TIGIT: variants seen among roughly 807,000 people sequenced by gnomAD.
The protein encoded by TIGIT is T cell immunoreceptor with Ig and ITIM domains.
A neutral mutation model predicts 19.6 loss-of-function variants in TIGIT; 11 were observed. The ratio of observed to expected loss-of-function variants is 0.56; its 90% CI spans 0.35 to 0.93. TIGIT has a LOEUF of 0.93. TIGIT is among the 40% of genes least tolerant of loss of function. The pLI is 0.01. For missense variants in TIGIT, 295 were observed against 303.9 expected, an observed-to-expected ratio of 0.97 and a Z score of 0.22; for synonymous variants, 130 against 125.5, an observed-to-expected ratio of 1.04 and a Z score of -0.24.
rs181947276 is a variant in TIGIT at position 114,297,599 on chromosome 3, G to T, written c.391+1725G>T. Among the ~76,000 whole-genome samples, 4 of 152,304 alleles carry T rather than the reference G, an allele frequency of 2.6e-5. No individual in the cohort carries two copies. In the East Asian group the frequency reaches 7.7e-4, roughly 29 times the overall value. ...GTTCATCAGGCAGAAGGCCCCTGTGGAGTGGTAGTACCAGCAACTGAAGAC... is the reference window on the plus strand; with the variant it reads ...GTTCATCAGGCAGAAGGCCCCTGTGTAGTGGTAGTACCAGCAACTGAAGAC... On this transcript the variant is annotated intron_variant, in intron 2 of 3. Coordinates refer to ENST00000383671, the MANE Select transcript of TIGIT (RefSeq NM_173799.4).
intron 3 of TIGIT, among the ~76,000 whole-genome samples, chr3:114,305,902 A>T (rs181449010): frequency 2.7e-5 from 4 of 146,146 alleles, no homozygotes; most frequent in African/African-American, 9.8e-5. Flanking sequence ...AGATAGATAG[A>T]TAGATGAGGA....
In TIGIT at chr3:114,308,387, T is replaced by C. The variant is rs2078550028; in HGVS notation, c.*256T>C. ...CATAAATGCAAAATTAAAAAATATC[T>C]TGACCTGGTTTTAAATCTGGCAGTT... On this transcript the variant is annotated 3_prime_UTR_variant, in exon 4 of 4. Transcript: ENST00000383671. 2.7e-6 allele frequency: 1 copy of C among 374,580 alleles called. No homozygotes were observed. The highest frequency in any genetic ancestry group is 5.3e-5 in the East Asian group (1 of 18,900). 23.2% of individuals were successfully genotyped at this position (374,580 alleles called of 1,614,324 possible).
chr3:114,303,016 A>G (rs2107952390), intron 3 of TIGIT, among the ~76,000 whole-genome samples: 1 of 152,338 alleles, frequency 6.6e-6, no homozygotes, highest in South Asian at 2.1e-4. Flanking sequence ...TATACAAATG[A>G]ATGACTATGA....
At chr3:114,305,148 C>T (rs550229698) in intron 3 of TIGIT, among the ~76,000 whole-genome samples, 2 of 141,092 alleles carry the variant, frequency 1.4e-5, no homozygotes, top group South Asian at 2.5e-4. Flanking sequence ...TTACCCTATA[C>T]TGTTGACCCA....
chr3:114,301,055 A>G (rs2078489242), intron 3 of TIGIT, among the ~76,000 whole-genome samples: 1 of 152,228 alleles, frequency 6.6e-6, no homozygotes, highest in Admixed American at 6.5e-5. Context: ...ACAAAGAATT[A>G]TATCAGTGAA....
chr3:114,306,162 C>G (rs1175934310), intron 3 of TIGIT, among the ~76,000 whole-genome samples: 2 of 152,142 alleles, frequency 1.3e-5, no homozygotes, highest in East Asian at 3.9e-4. Context: ...TGTCCAAGGA[C>G]AGGATGAGAA....
intron 3 of TIGIT, among the ~76,000 whole-genome samples, chr3:114,303,516 T>TACACATATATATGTATATATATAC (rs1560033452): frequency 1.7e-5 from 1 of 59,536 alleles, no homozygotes; most frequent in African/African-American, 9.1e-5. Context: ...TATATATATA[T>TACACATATATATGTATATATATAC]ACACATATAT....
At chr3:114,299,549 C>T (rs1317516186) in intron 2 of TIGIT, 48 bp from the exon 3 acceptor site, 2 of 1,446,390 alleles carry the variant, frequency 1.4e-6, no homozygotes, top group African/African-American at 2.8e-5. Flanking sequence ...GGGAAATCAG[C>T]TTCACTTCTG....
In TIGIT at chr3:114,295,624, C is replaced by T; in HGVS notation, c.141C>T (p.Leu47=). 1.9e-6 allele frequency: 3 copies of T among 1,614,214 alleles called. No individual in the cohort carries two copies. The highest frequency in any genetic ancestry group is 2.5e-6 in the Non-Finnish European group (3 of 1,180,038). Residue 47 remains leucine, a synonymous_variant, in exon 2 of 4, where the codon CTC becomes CTT. Transcript: ENST00000383671. ...GCTCTATCATCTTACAATGTCACCT[C>T]TCCTCCACCACGGCACAAGTGACCC... The part of the protein sequence containing the change: ...KGGSIILQCH[L]SSTTAQVTQV...
chr3:114,303,540 C>CACATATATATGTATATATATATAT (rs2078507702), intron 3 of TIGIT, among the ~76,000 whole-genome samples: 1 of 8,564 alleles, frequency 1.2e-4, no homozygotes, highest in African/African-American at 1.9e-4. Flanking sequence ...TATATATATA[C>CACATATATATGTATATATATATAT]ACATATATAT....
At chr3:114,299,288 A>G (rs2078474332) in intron 2 of TIGIT, among the ~76,000 whole-genome samples, 1 of 152,232 alleles carries the variant, frequency 6.6e-6, no homozygotes, top group African/African-American at 2.4e-5. Context: ...TTTTTCTGGA[A>G]CTACTATTTG....
Position 114,309,195 on chromosome 3 carries a change from G to T in TIGIT, c.*1064G>T, listed in dbSNP as rs1255105139. 1.3e-5 allele frequency: 2 copies of T among 152,186 alleles called. No homozygotes were observed. The highest frequency in any genetic ancestry group is 2.4e-5 in the African/African-American group (1 of 41,440). 9.4% of individuals were successfully genotyped at this position (152,186 alleles called of 1,614,324 possible). On this transcript the variant is annotated 3_prime_UTR_variant, in exon 4 of 4. Transcript: ENST00000383671. Reference sequence around the variant, plus strand: ...GGACTCTTCCTAGGGGAAAAAGGGGGGCTGGGAGTGATAGAGGGTTTAAAA... The same window carrying T: ...GGACTCTTCCTAGGGGAAAAAGGGGTGCTGGGAGTGATAGAGGGTTTAAAA...
chr3:114,295,648 C>G lies in TIGIT; in HGVS notation c.165C>G (p.Thr55=). 2 of 1,614,190 alleles carry G rather than the reference C, an allele frequency of 1.2e-6. No homozygotes were observed. The highest frequency in any genetic ancestry group is 1.7e-6 in the Non-Finnish European group (2 of 1,180,034). Residue 55 remains threonine, a synonymous_variant, in exon 2 of 4, where the codon ACC becomes ACG. Coordinates refer to ENST00000383671, the MANE Select transcript of TIGIT (RefSeq NM_173799.4). The stretch of plus-strand genomic sequence containing the variant: ...TCTCCTCCACCACGGCACAAGTGAC[C>G]CAGGTCAACTGGGAGCAGCAGGACC... ...CHLSSTTAQV[T]QVNWEQQDQL...
At chr3:114,306,731 T>A (rs1163884151) in intron 3 of TIGIT, among the ~76,000 whole-genome samples, 1 of 152,092 alleles carries the variant, frequency 6.6e-6, no homozygotes, top group East Asian at 1.9e-4. Flanking sequence ...TCACAAGGGA[T>A]GTTTTGGGGA....
Position 114,307,742 on chromosome 3 carries a change from G to A in TIGIT, c.499-153G>A, listed in dbSNP as rs532852334. The A allele has an allele frequency of 9.5e-5, 66 of 694,960 alleles. 1 individual carries two copies. In the South Asian group the frequency reaches 1.0e-3, roughly 11 times the overall value. The allele number at this position is 694,960 out of a possible 1,614,324, so 43.0% of individuals were successfully genotyped here. ...AGCATTTAAATCTAGCTGTAACGCG[G>A]TTGAGAAATTAAGGGCTAAGGAATT... On this transcript the variant is annotated intron_variant, in intron 3 of 3. Transcript: ENST00000383671.
At chr3:114,302,304 G>A (rs2078497733) in intron 3 of TIGIT, among the ~76,000 whole-genome samples, 1 of 152,208 alleles carries the variant, frequency 6.6e-6, no homozygotes, top group Non-Finnish European at 1.5e-5. Context: ...GGTGGAGAAG[G>A]TTAGAGAGCA....
At chr3:114,303,635 A>C (rs2107953497) in intron 3 of TIGIT, among the ~76,000 whole-genome samples, 1 of 138,300 alleles carries the variant, frequency 7.2e-6, no homozygotes, top group East Asian at 2.0e-4. Flanking sequence ...ATATATACAC[A>C]CACACACACA....
At chr3:114,299,407 G>A (rs1042141044) in intron 2 of TIGIT, among the ~76,000 whole-genome samples, 190 bp from the exon 3 acceptor site, 1 of 152,200 alleles carries the variant, frequency 6.6e-6, no homozygotes, top group Non-Finnish European at 1.5e-5. Context: ...GAAAATATCA[G>A]TCATTGATTT....
chr3:114,299,631 G>A lies in TIGIT; in HGVS notation c.426G>A (p.Leu142=). The change falls in exon 3 of 4, where the codon TTG becomes TTA. Residue 142 remains leucine, a synonymous_variant. Transcript: ENST00000383671. ...ACGGTGCCAGGTTCCAGATTCCATT[G>A]CTTGGAGCCATGGCCGCGACGCTGG... ...AEHGARFQIP[L]LGAMAATLVV... 1 of 1,613,430 alleles carries A rather than the reference G, an allele frequency of 6.2e-7. No individual in the cohort carries two copies.
Sources: allele counts gnomAD v4.1 joint callset (sites outside exome capture counted in the v4.1 genomes callset), GRCh38; gene constraint gnomAD v4.1.1; transcripts MANE v1.5; gene names NCBI Gene and HGNC (gene_info 2026-07-23, HGNC 2026-07-21).